RNASET2: variants seen among roughly 807,000 people sequenced by gnomAD.
The protein encoded by RNASET2 is ribonuclease T2, also known as ribonuclease 6.
A neutral mutation model predicts 33.9 loss-of-function variants in RNASET2; 28 were observed. The observed-to-expected ratio is 0.83, with a 90% CI of 0.61 to 1.13. The LOEUF (loss-of-function observed/expected upper bound fraction) is 1.13, where lower values mean the gene tolerates loss of function less well. RNASET2 is among the 50% of genes most tolerant of loss of function. The probability of loss-of-function intolerance (pLI) is 0.00; values close to 1 mark genes in which losing one functional copy is unlikely to be tolerated. For missense variants in RNASET2, 330 were observed against 319.9 expected, an observed-to-expected ratio of 1.03 and a Z score of -0.24; for synonymous variants, 123 against 121.0, an observed-to-expected ratio of 1.02 and a Z score of -0.11.
rs114689953 is a variant in RNASET2 at position 166,948,731 on chromosome 6, G to A, written c.148-106C>T. The A allele has an allele frequency of 4.3e-3, 3,270 of 766,882 alleles. 46 individuals carry two copies. The highest frequency in any genetic ancestry group is 0.041 in the African/African-American group (2,366 of 58,376). 47.5% of individuals were successfully genotyped at this position (766,882 alleles called of 1,614,324 possible). On this transcript the variant is annotated intron_variant, in intron 2 of 8. Transcript: ENST00000508775. ...GCAGCTAGTTGCAACATATGCCAACGAGATACAGGTACTGCACTAATAACA... is the reference window on the plus strand; with the variant it reads ...GCAGCTAGTTGCAACATATGCCAACAAGATACAGGTACTGCACTAATAACA...
Position 166,926,965 on chromosome 6 carries a change from G to C in RNASET2, c.*2623C>G, listed in dbSNP as rs181005318. On this transcript the variant is annotated 3_prime_UTR_variant, in exon 9 of 9. Transcript: ENST00000508775. Reference sequence around the variant, plus strand: ...CGCCTGCTCCTTTGTCCCCCTGGGAGACACTTGTACCCCCAGCTCTGATCC... The same window carrying C: ...CGCCTGCTCCTTTGTCCCCCTGGGACACACTTGTACCCCCAGCTCTGATCC... 2.6e-4 allele frequency among the ~76,000 whole-genome samples: 40 copies of C among 152,272 alleles called. No homozygotes were observed. The East Asian group carries it at 6.6e-3, about 25-fold the overall frequency.
intron 1 of RNASET2, chr6:166,952,856 G>T: frequency 2.6e-6 from 1 of 386,120 alleles, no homozygotes; most frequent in South Asian, 2.4e-5. Flanking sequence ...TCACTGAAGG[G>T]AAGCCACTGA....
intron 1 of RNASET2, chr6:166,955,816 C>A (rs1479398897): frequency 2.1e-5 from 20 of 944,646 alleles, no homozygotes; most frequent in Non-Finnish European, 2.4e-5. Context: ...CACCCCGGGG[C>A]GTGCTCAGGA....
At chr6:166,931,306 C>T in intron 7 of RNASET2, 188 bp from the exon 8 acceptor site, 1 of 622,918 alleles carries the variant, frequency 1.6e-6, no homozygotes, top group Non-Finnish European at 2.9e-6. Context: ...TCAACCTGGG[C>T]TTCATCCCCA....
intron 1 of RNASET2, chr6:166,952,855 G>T (rs557687560): frequency 1.3e-5 from 5 of 386,412 alleles, no homozygotes; most frequent in South Asian, 1.2e-4. Context: ...CTCACTGAAG[G>T]GAAGCCACTG....
At chr6:166,930,987 G>T in intron 8 of RNASET2, 57 bp downstream of exon 8, 1 of 1,235,046 alleles carries the variant, frequency 8.1e-7, no homozygotes, top group Non-Finnish European at 1.2e-6. Context: ...AAGGCCATCA[G>T]AAAAGTAGAA....
chr6:166,934,495 C>G, intron 6 of RNASET2: 1 of 279,964 alleles, frequency 3.6e-6, no homozygotes. Context: ...CAGGCTTATC[C>G]TGGTAAACTG....
At chr6:166,955,213 G>GCA (rs1158168616) in intron 1 of RNASET2, among the ~76,000 whole-genome samples, 36 of 76,502 alleles carry the variant, frequency 4.7e-4, no homozygotes, top group African/African-American at 2.8e-3. Flanking sequence ...ACACACGCAC[G>GCA]CACACACGCG....
chr6:166,945,981 C>G (rs955966371), intron 4 of RNASET2, among the ~76,000 whole-genome samples: 3 of 152,132 alleles, frequency 2.0e-5, no homozygotes, highest in Non-Finnish European at 4.4e-5. Flanking sequence ...GCCTCAGTTA[C>G]CACCCCCTCC....
chr6:166,946,641 G>C (rs1245202797), intron 4 of RNASET2, 41 bp downstream of exon 4: 1 of 1,091,204 alleles, frequency 9.2e-7, no homozygotes, highest in East Asian at 2.5e-5. Flanking sequence ...AGTTAATCTA[G>C]GTCAACACTC....
intron 6 of RNASET2, among the ~76,000 whole-genome samples, chr6:166,936,249 T>C (rs111784531): frequency 6.6e-6 from 1 of 152,164 alleles, no homozygotes; most frequent in South Asian, 2.1e-4. Context: ...AATGAATGAA[T>C]GAATGGAGGA....
rs764236556 is a variant in RNASET2 at position 166,929,777 on chromosome 6, C to T, written c.582G>A (p.Gln194=). The T allele has an allele frequency of 1.7e-5, 28 of 1,614,002 alleles. 1 individual carries two copies. In the South Asian group the frequency reaches 3.1e-4, roughly 18 times the overall value. ...CLPPSQDEEV[Q]TIGQIELCLT... ...GGCACAGTTCTATCTGACCAATTGT[C>T]TGTACTTCCTCATCCTAAAAGTAAA... is the stretch of plus-strand genomic sequence containing the variant. The change falls in exon 9 of 9, where the codon CAG becomes CAA. Residue 194 remains glutamine, a synonymous_variant. Transcript: ENST00000508775.
chr6:166,938,461 C>A (rs1778618416), intron 6 of RNASET2: 1 of 502,690 alleles, frequency 2.0e-6, no homozygotes. Flanking sequence ...TTAAAGAACC[C>A]TGGCCCACAT....
intron 4 of RNASET2, chr6:166,943,514 A>G (rs1169886703): frequency 3.0e-6 from 1 of 332,040 alleles, no homozygotes; most frequent in African/African-American, 2.2e-5. Context: ...AGAGACAGGA[A>G]TGAGATTCGC....
At chr6:166,939,030 T>C (rs376170813) in intron 5 of RNASET2, 22 bp from the exon 6 acceptor site, 1 of 1,574,764 alleles carries the variant, frequency 6.4e-7, no homozygotes, top group Non-Finnish European at 8.7e-7. Flanking sequence ...AGGAAAAATC[T>C]CCACTTAAAA....
chr6:166,931,119 C>G lies in RNASET2; in HGVS notation c.493-1G>C, dbSNP rs780951698. The G allele has an allele frequency of 6.3e-7, 1 of 1,596,256 alleles. No homozygotes were observed. The highest frequency in any genetic ancestry group is 8.6e-7 in the Non-Finnish European group (1 of 1,163,932). The stretch of plus-strand genomic sequence containing the variant: ...CAAGGGCATCTTTAAAATCTGCAAC[C>G]TGATTTTAAATACAAGTGTATTAGA... On this transcript the variant is annotated splice_acceptor_variant, in intron 7 of 8. Transcript: ENST00000508775. LOFTEE classifies it high-confidence loss of function.
intron 5 of RNASET2, among the ~76,000 whole-genome samples, chr6:166,939,236 A>C (rs1778641989): frequency 6.6e-6 from 1 of 152,124 alleles, no homozygotes; most frequent in African/African-American, 2.4e-5. Flanking sequence ...CAGGAGGCTG[A>C]GGAGGAGAAT....
Position 166,929,693 on chromosome 6 carries a change from G to C in RNASET2, c.666C>G (p.Pro222=), listed in dbSNP as rs760176275. The stretch of plus-strand genomic sequence containing the variant: ...CATTTGCCAGCCAGACTTCCTGCTT[G>C]GGGGACGGCTGCTCCCCCGGCTCGG... ...NCTEPGEQPS[P]KQEVWLANGA... The change falls in exon 9 of 9, where the codon CCC becomes CCG. Residue 222 remains proline (P), a synonymous_variant. Transcript: ENST00000508775. 11 of 1,614,072 alleles carry C rather than the reference G, an allele frequency of 6.8e-6. No individual in the cohort carries two copies. The South Asian group carries it at 1.1e-4, about 16-fold the overall frequency.
At chr6:166,943,453 CT>C (rs1305290728) in intron 4 of RNASET2, 1 of 346,706 alleles carries the variant, frequency 2.9e-6, no homozygotes, top group Admixed American at 4.1e-5. Flanking sequence ...TCTGCAGAGG[CT>C]ACATACTGTA....
Sources: gnomAD v4.1 joint callset for allele counts (sites outside exome capture counted in the v4.1 genomes callset) on GRCh38, gnomAD v4.1.1 for gene constraint, MANE v1.5 for transcripts, NCBI Gene and HGNC (gene_info 2026-07-23, HGNC 2026-07-21) for gene names.